C17orf67: variants seen among roughly 807,000 people sequenced by gnomAD.
The protein encoded by C17orf67 is chromosome 17 open reading frame 67, also known as uncharacterized protein C17orf67.
Under a neutral mutation model 11.2 loss-of-function variants are expected in C17orf67, and 12 were observed. That is an observed-to-expected ratio of 1.07 (90% CI 0.68 to 1.73). C17orf67 has a LOEUF of 1.73. C17orf67 is among the 40% of genes most tolerant of loss of function. The probability of loss-of-function intolerance (pLI) is 0.00; values close to 1 mark genes in which losing one functional copy is unlikely to be tolerated. For missense variants in C17orf67, 115 were observed against 113.5 expected, an observed-to-expected ratio of 1.01 and a Z score of -0.06; for synonymous variants, 59 against 46.9, an observed-to-expected ratio of 1.26 and a Z score of -1.05.
rs375972145 is a variant in C17orf67 at position 56,792,017 on chromosome 17, G to C, written c.*356C>G. 1.3e-5 allele frequency: 2 copies of C among 152,158 alleles called. 1 individual carries two copies. Among genetic ancestry groups the C allele is most frequent in the East Asian group, 3.8e-4 (2 of 5,200 alleles). The allele number at this position is 152,158 out of a possible 1,614,324, so 9.4% of individuals were successfully genotyped here. On this transcript the variant is annotated 3_prime_UTR_variant, in exon 8 of 8. Transcript: ENST00000397861. ...GGTATGCTTCACTACTCTGAACAAG[G>C]ATTCCCCAAATTCCTTAGGGCAGGC...
chr17:56,810,373 TCA>T (rs575055303), intron 6 of C17orf67, among the ~76,000 whole-genome samples: 1 of 127,376 alleles, frequency 7.9e-6, no homozygotes, highest in African/African-American at 3.0e-5. Flanking sequence ...CACACATCCC[TCA>T]CACACACAAA....
At chr17:56,806,636 A>G (rs1408311593) in intron 6 of C17orf67, among the ~76,000 whole-genome samples, 1 of 152,090 alleles carries the variant, frequency 6.6e-6, no homozygotes, top group East Asian at 1.9e-4. Flanking sequence ...TCGATCTCCC[A>G]CCTCAGCCTC....
chr17:56,828,904 C>T (rs944140741), intron 2 of C17orf67, among the ~76,000 whole-genome samples: 29 of 150,992 alleles, frequency 1.9e-4, no homozygotes, highest in Admixed American at 4.0e-4. Flanking sequence ...TAGAGGATGT[C>T]GGTGTATGAA....
chr17:56,833,037 G>C lies in C17orf67; in HGVS notation c.-696C>G, dbSNP rs1395872571. 1 of 152,230 alleles carries C rather than the reference G, an allele frequency of 6.6e-6. No homozygotes were observed. Among genetic ancestry groups the C allele is most frequent in the South Asian group, 2.1e-4 (1 of 4,838 alleles). The allele number at this position is 152,230 out of a possible 1,614,324, so 9.4% of individuals were successfully genotyped here. On this transcript the variant is annotated 5_prime_UTR_variant, in exon 2 of 8. Transcript: ENST00000397861. ...TCTGTTCCTTTGGTCCCTTGCTTCG[G>C]TGTGTGTTTTCTTTCCATCTTTTAT...
intron 4 of C17orf67, among the ~76,000 whole-genome samples, chr17:56,818,101 C>T (rs1433395136): frequency 6.6e-6 from 1 of 151,400 alleles, no homozygotes; most frequent in African/African-American, 2.4e-5. Flanking sequence ...ACCTTGGCCT[C>T]CAAAAATGCT....
At chr17:56,807,812 C>T (rs1220413620) in intron 6 of C17orf67, among the ~76,000 whole-genome samples, 1 of 151,844 alleles carries the variant, frequency 6.6e-6, no homozygotes, top group Admixed American at 6.6e-5. Context: ...ATCGCTTGAG[C>T]CCAGGAGGCC....
At chr17:56,799,997 A>G (rs530507238) in intron 6 of C17orf67, among the ~76,000 whole-genome samples, 85 of 150,378 alleles carry the variant, frequency 5.7e-4, no homozygotes, top group African/African-American at 2.0e-3. Context: ...AAAAAAAAAG[A>G]AAGTTATAAA....
In C17orf67 at chr17:56,795,087, T is replaced by C. The variant is rs1358292403; in HGVS notation, c.250A>G (p.Arg84Gly). Reference sequence around the variant, plus strand: ...CCTTACACAGGATGAATCCTGTTCCTGTCACAGTGGGGTTTGCAGTGAGGG... The same window carrying C: ...CCTTACACAGGATGAATCCTGTTCCCGTCACAGTGGGGTTTGCAGTGAGGG... ...LNPHCKPHCD[R>G]NRIHPV The change falls in exon 7 of 8, where the codon AGG becomes GGG. Residue 84 changes from arginine to glycine, a missense_variant. Physicochemically the swap from Arg to Gly is moderately radical, Grantham distance 125. Transcript: ENST00000397861. 1 of 1,614,074 alleles carries C rather than the reference T, an allele frequency of 6.2e-7. No homozygotes were observed. The highest frequency in any genetic ancestry group is 2.2e-5 in the East Asian group (1 of 44,886).
intron 6 of C17orf67, among the ~76,000 whole-genome samples, chr17:56,806,051 T>C (rs1199953035): frequency 7.3e-6 from 1 of 136,908 alleles, no homozygotes; most frequent in East Asian, 2.4e-4. Flanking sequence ...CTTGGCTCAC[T>C]GCAAGCTCCG....
At chr17:56,805,196 C>T (rs1216294398) in intron 6 of C17orf67, among the ~76,000 whole-genome samples, 2 of 152,292 alleles carry the variant, frequency 1.3e-5, no homozygotes, top group East Asian at 3.9e-4. Flanking sequence ...GGGGAGGCAC[C>T]AGAAAGGCCT....
At chr17:56,804,156 T>C (rs1905391023) in intron 6 of C17orf67, 1 of 152,184 alleles carries the variant, frequency 6.6e-6, no homozygotes. Context: ...ACTATAATGA[T>C]TTAAGTAAAT....
chr17:56,808,979 C>G (rs1905523400), intron 6 of C17orf67, among the ~76,000 whole-genome samples: 1 of 151,826 alleles, frequency 6.6e-6, no homozygotes, highest in South Asian at 2.1e-4. Context: ...CATGGAGAAG[C>G]AAAATAAAAT....
In C17orf67 at chr17:56,795,182, T is replaced by A. The variant is rs374793073; in HGVS notation, c.157-2A>T. 27 of 1,613,696 alleles carry A rather than the reference T, an allele frequency of 1.7e-5. No individual in the cohort carries two copies. The highest frequency in any genetic ancestry group is 1.9e-5 in the Non-Finnish European group (23 of 1,179,876). On this transcript the variant is annotated splice_acceptor_variant, in intron 6 of 7. Coordinates refer to ENST00000397861, the MANE Select transcript of C17orf67 (RefSeq NM_001085430.4). LOFTEE classifies it high-confidence loss of function. ...GGCGAGCAGGTGGTGCATGTATTCC[T>A]GTCAAAACAAACCACACTGAAGAAG...
At chr17:56,824,100 G>C (rs1905969287) in intron 4 of C17orf67, among the ~76,000 whole-genome samples, 1 of 152,230 alleles carries the variant, frequency 6.6e-6, no homozygotes, top group African/African-American at 2.4e-5. Flanking sequence ...GCCTTTAAGA[G>C]TTGATTAAGT....
At chr17:56,820,438 A>G (rs1211556650) in intron 4 of C17orf67, among the ~76,000 whole-genome samples, 2 of 152,022 alleles carry the variant, frequency 1.3e-5, no homozygotes, top group African/African-American at 4.8e-5. Flanking sequence ...ACTCTCACAC[A>G]CCCACCCACA....
chr17:56,831,744 C>CA (rs1175512339), intron 2 of C17orf67, among the ~76,000 whole-genome samples: 1 of 152,104 alleles, frequency 6.6e-6, no homozygotes, highest in East Asian at 1.9e-4. Context: ...CAGCCTCCAC[C>CA]AAACACGTGT....
At chr17:56,829,283 AT>A (rs1354057555) in intron 2 of C17orf67, among the ~76,000 whole-genome samples, 1 of 152,160 alleles carries the variant, frequency 6.6e-6, no homozygotes, top group Non-Finnish European at 1.5e-5. Context: ...TTGCAAAAAA[AT>A]AAAATAAAAT....
intron 6 of C17orf67, chr17:56,804,290 T>TATTC (rs1905393986): frequency 6.6e-6 from 1 of 152,256 alleles, no homozygotes; most frequent in Non-Finnish European, 1.5e-5. Flanking sequence ...AGTGGACAGT[T>TATTC]ATTCTATCAA....
chr17:56,827,102 TA>T (rs1464998466), intron 2 of C17orf67, among the ~76,000 whole-genome samples: 2 of 152,262 alleles, frequency 1.3e-5, no homozygotes, highest in Non-Finnish European at 2.9e-5. Context: ...TCCCATTCTT[TA>T]GTATATAACA....
Sources: allele counts gnomAD v4.1 joint callset (sites outside exome capture counted in the v4.1 genomes callset), GRCh38; gene constraint gnomAD v4.1.1; transcripts MANE v1.5; gene names NCBI Gene and HGNC (gene_info 2026-07-23, HGNC 2026-07-21).